Variants in IQCM observed in about 807,000 individuals in gnomAD.
IQCM encodes the protein IQ domain-containing protein M.
In IQCM, 45 loss-of-function variants were observed where a neutral mutation model predicts 57.6. The ratio of observed to expected loss-of-function variants is 0.78; its 90% CI spans 0.62 to 1.00. The LOEUF (loss-of-function observed/expected upper bound fraction) is 1.00. IQCM is among the 50% of genes least tolerant of loss of function. The pLI is 0.00. For synonymous variants in IQCM, 148 were observed against 158.9 expected (o/e 0.93, Z 0.51); for missense variants, 468 against 511.6 (o/e 0.91, Z 0.82).
At chr4:149,628,713 T>C (rs762286979) in intron 7 of IQCM, among the ~76,000 whole-genome samples, 10 of 152,138 alleles carry the variant, frequency 6.6e-5, no homozygotes, top group Non-Finnish European at 1.0e-4. Context: ...GGTAAGTTTA[T>C]TAAAAGAGAC....
At chr4:149,795,598 A>T (rs78420154) in intron 2 of IQCM, among the ~76,000 whole-genome samples, 3,348 of 152,270 alleles carry the variant, frequency 0.022, 66 homozygotes, top group South Asian at 0.036. Flanking sequence ...TAGGGTGGCT[A>T]AATAAGTGCT....
chr4:149,499,965 A>T (rs1743069516), intron 12 of IQCM, among the ~76,000 whole-genome samples: 1 of 152,144 alleles, frequency 6.6e-6, no homozygotes, highest in Admixed American at 6.5e-5. Flanking sequence ...CCTATAATGC[A>T]CTCCATTGTA....
chr4:149,682,683 T>C (rs929825550), intron 6 of IQCM, among the ~76,000 whole-genome samples: 1 of 151,112 alleles, frequency 6.6e-6, no homozygotes, highest in Admixed American at 6.6e-5. Context: ...TTAGTAATAA[T>C]TGCAAACCCT....
At chr4:149,703,952 C>T (rs80261675) in intron 5 of IQCM, among the ~76,000 whole-genome samples, 1,595 of 151,928 alleles carry the variant, frequency 0.01, 11 homozygotes, top group Admixed American at 0.016. Context: ...GAATTCCTTT[C>T]ACTTATACAA....
chr4:149,409,107 C>T lies in IQCM; in HGVS notation c.1390+24289G>A, dbSNP rs535461193. Among the ~76,000 whole-genome samples, 225 of 152,306 alleles carry T rather than the reference C, an allele frequency of 1.5e-3. 1 individual carries two copies. The highest frequency in any genetic ancestry group is 5.1e-3 in the African/African-American group (210 of 41,572). ...ATTCTGGAAAATAAGGATGGGCTCC[C>T]TACCAGCAGAGGTCTTGGGCTACTT... On this transcript the variant is annotated intron_variant, in intron 13 of 13. Transcript: ENST00000636793.
At chr4:149,575,774 A>G (rs1425623426) in intron 9 of IQCM, among the ~76,000 whole-genome samples, 1 of 151,904 alleles carries the variant, frequency 6.6e-6, no homozygotes, top group Non-Finnish European at 1.5e-5. Context: ...ATTCCTAGTT[A>G]GAACATTTCA....
intron 2 of IQCM, among the ~76,000 whole-genome samples, chr4:149,753,952 TAGTG>T (rs1348481357): frequency 6.6e-6 from 1 of 152,032 alleles, no homozygotes; most frequent in East Asian, 1.9e-4. Context: ...AGACACTTCC[TAGTG>T]AGTATCAGAA....
chr4:149,432,856 G>A lies in IQCM; in HGVS notation c.1390+540C>T, dbSNP rs531157280. ...ACTTCAACAAAGACATACAAATAGC[G>A]AATACTTGAAAAGAAGCCAAATAAC... is the stretch of plus-strand genomic sequence containing the variant. On this transcript the variant is annotated intron_variant, in intron 13 of 13. Coordinates refer to ENST00000636793, the MANE Select transcript of IQCM (RefSeq NM_001363507.2). Among the ~76,000 whole-genome samples the A allele has an allele frequency of 7.9e-5, 12 of 151,922 alleles. No individual in the cohort carries two copies. In the East Asian group the frequency reaches 1.6e-3, roughly 20 times the overall value.
chr4:149,767,618 C>G (rs1387345396), intron 2 of IQCM, among the ~76,000 whole-genome samples: 6 of 151,984 alleles, frequency 3.9e-5, no homozygotes, highest in Non-Finnish European at 8.8e-5. Context: ...AACTGGACCC[C>G]AGTTTCTAGG....
chr4:149,472,454 G>T (rs1439799387), intron 12 of IQCM, among the ~76,000 whole-genome samples: 6 of 152,090 alleles, frequency 3.9e-5, no homozygotes, highest in Admixed American at 1.3e-4. Context: ...ACAAACCACT[G>T]CCCAACGAAA....
chr4:149,484,803 G>A (rs1280244870), intron 12 of IQCM, among the ~76,000 whole-genome samples: 1 of 151,970 alleles, frequency 6.6e-6, no homozygotes, highest in Non-Finnish European at 1.5e-5. Context: ...ACCTTCAGAC[G>A]ATTTTTTCTT....
At chr4:149,571,334 T>A (rs1411076993) in intron 9 of IQCM, among the ~76,000 whole-genome samples, 1 of 152,114 alleles carries the variant, frequency 6.6e-6, no homozygotes, top group African/African-American at 2.4e-5. Context: ...AATTCTGTAA[T>A]TTGTGACAAC....
Position 149,686,448 on chromosome 4 carries a change from T to C in IQCM, c.406A>G (p.Ile136Val), listed in dbSNP as rs1762553244. The change falls in exon 6 of 14, where the codon ATC (isoleucine) becomes GTC (valine). Residue 136 changes from isoleucine (I) to valine (V), a missense_variant. Ile to Val is a conservative substitution (Grantham distance 29). Transcript: ENST00000636793. ...ITKGQVKLDK[I>V]MTIIEPVSKK... ...CTCACTGGTTCAATAATAGTCATGATTTTATCCAATTTAACTTGTCCTGAA... is the reference window on the plus strand; with the variant it reads ...CTCACTGGTTCAATAATAGTCATGACTTTATCCAATTTAACTTGTCCTGAA... The C allele has an allele frequency of 4.9e-6, 6 of 1,225,900 alleles. No individual in the cohort carries two copies. In the East Asian group the frequency reaches 1.3e-4, roughly 26 times the overall value. 75.9% of individuals were successfully genotyped at this position (1,225,900 alleles called of 1,614,324 possible).
intron 9 of IQCM, among the ~76,000 whole-genome samples, chr4:149,577,324 G>A (rs1020181313): frequency 1.3e-5 from 2 of 151,926 alleles, no homozygotes; most frequent in African/African-American, 4.8e-5. Flanking sequence ...ATCCAAAATG[G>A]TATTTCCTAG....
intron 12 of IQCM, among the ~76,000 whole-genome samples, chr4:149,511,898 A>T (rs1744463334): frequency 6.6e-6 from 1 of 152,134 alleles, no homozygotes; most frequent in Non-Finnish European, 1.5e-5. Flanking sequence ...ATTGCTCTTA[A>T]TTTTCAATTA....
Position 149,668,604 on chromosome 4 carries a change from C to G in IQCM, c.565+13514G>C, listed in dbSNP as rs530600486. Among the ~76,000 whole-genome samples the G allele has an allele frequency of 1.5e-3, 223 of 152,228 alleles. 1 individual carries two copies. The highest frequency in any genetic ancestry group is 5.2e-3 in the African/African-American group (216 of 41,552). ...AGCAAACCACCATGGCACATGTATA[C>G]ATATATAACAAACCTGCACATTCTG... On this transcript the variant is annotated intron_variant, in intron 7 of 13. Transcript: ENST00000636793.
At chr4:149,512,814 C>T (rs987387330) in intron 12 of IQCM, among the ~76,000 whole-genome samples, 1 of 152,138 alleles carries the variant, frequency 6.6e-6, no homozygotes, top group African/African-American at 2.4e-5. Context: ...TAAAGCTGAA[C>T]TGAAATGTTT....
chr4:149,562,337 C>A (rs961429163), intron 10 of IQCM, among the ~76,000 whole-genome samples: 4 of 152,080 alleles, frequency 2.6e-5, no homozygotes, highest in Non-Finnish European at 5.9e-5. Flanking sequence ...CAAAGAAGAG[C>A]AGTTCAACAA....
At chr4:149,575,105 G>A (rs1376130448) in intron 9 of IQCM, among the ~76,000 whole-genome samples, 4 of 151,914 alleles carry the variant, frequency 2.6e-5, no homozygotes, top group African/African-American at 9.7e-5. Flanking sequence ...CTACCAAGCT[G>A]TGTCGAGGGC....
Sources: gnomAD v4.1 joint callset for allele counts (sites outside exome capture counted in the v4.1 genomes callset) on GRCh38, gnomAD v4.1.1 for gene constraint, MANE v1.5 for transcripts, NCBI Gene and HGNC (gene_info 2026-07-23, HGNC 2026-07-21) for gene names.